Variants in MRPL44 observed in about 807,000 individuals in gnomAD.
MRPL44 encodes the protein large ribosomal subunit protein mL44.
Under a neutral mutation model 25.9 loss-of-function variants are expected in MRPL44, and 21 were observed. That is an observed-to-expected ratio of 0.81 (90% CI 0.58 to 1.17). The LOEUF (loss-of-function observed/expected upper bound fraction) is 1.17. MRPL44 is among the 50% of genes most tolerant of loss of function. MRPL44 has a pLI of 0.00. For missense variants in MRPL44, 410 were observed against 398.9 expected (o/e 1.03, Z -0.24); for synonymous variants, 169 against 151.0 (o/e 1.12, Z -0.87).
At chr2:223,951,592 C>A in the MRPL44 span, among the ~76,000 whole-genome samples, 1 of 151,104 alleles carries the variant, frequency 6.6e-6, no homozygotes, top group African/African-American at 2.4e-5. Flanking sequence ...GATTCTCCTG[C>A]CTCAGCCTCC....
chr2:223,957,350 C>A (rs1427390959), upstream of MRPL44: 4 of 1,301,624 alleles, frequency 3.1e-6, no homozygotes, highest in African/African-American at 5.8e-5. Flanking sequence ...TCGCCCCGCC[C>A]CGGGGGCTGT....
In MRPL44 at chr2:223,960,071, T is replaced by C. The variant is rs1288337741; in HGVS notation, c.648+69T>C. The C allele has an allele frequency of 3.9e-6, 5 of 1,278,700 alleles. No homozygotes were observed. In the East Asian group the frequency reaches 1.2e-4, roughly 30 times the overall value. The allele number at this position is 1,278,700 out of a possible 1,614,324, so 79.2% of individuals were successfully genotyped here. On this transcript the variant is annotated intron_variant, in intron 2 of 3. Coordinates refer to ENST00000258383, the MANE Select transcript of MRPL44 (RefSeq NM_022915.5). Reference sequence around the variant, plus strand: ...AAAATATTCTTTTGTAATTCACTTCTTTGATATATCACCTTGGAAGTGAAT... The same window carrying C: ...AAAATATTCTTTTGTAATTCACTTCCTTGATATATCACCTTGGAAGTGAAT...
the MRPL44 span, among the ~76,000 whole-genome samples, chr2:223,952,335 A>G: frequency 6.6e-6 from 1 of 152,078 alleles, no homozygotes; most frequent in Non-Finnish European, 1.5e-5. Flanking sequence ...AGCCCTCAAC[A>G]GGCAGTCTCT....
chr2:223,952,306 A>G, the MRPL44 span, among the ~76,000 whole-genome samples: 4 of 152,014 alleles, frequency 2.6e-5, no homozygotes, highest in East Asian at 7.7e-4. Context: ...CACTGGCTAT[A>G]GCTTCCCTCT....
chr2:223,959,494 T>C (rs1419845752), intron 1 of MRPL44, 40 bp from the exon 2 acceptor site: 12 of 1,455,012 alleles, frequency 8.2e-6, no homozygotes, highest in Non-Finnish European at 1.1e-5. Context: ...CAGTAACAGG[T>C]TGTTCTCTTT....
intron 2 of MRPL44, among the ~76,000 whole-genome samples, chr2:223,962,774 T>C (rs932444005): frequency 6.6e-6 from 1 of 152,216 alleles, no homozygotes; most frequent in Non-Finnish European, 1.5e-5. Context: ...TGATCTTGGC[T>C]CACTGCAACC....
chr2:223,955,124 G>C (rs1188061854), upstream of MRPL44, among the ~76,000 whole-genome samples: 1 of 152,018 alleles, frequency 6.6e-6, no homozygotes, highest in Non-Finnish European at 1.5e-5. Flanking sequence ...TTGTTGCTCA[G>C]GTTTACTAAG....
rs1449331083 is a variant in MRPL44 at position 223,957,465 on chromosome 2, C to T, written c.-8C>T. On this transcript the variant is annotated 5_prime_UTR_variant, in exon 1 of 4. Transcript: ENST00000258383. ...TTCGTTCCGTCTTCCATCGTTTTCTCTCGTGCAATGGCGTCCGGGCTGGTA... is the reference window on the plus strand; with the variant it reads ...TTCGTTCCGTCTTCCATCGTTTTCTTTCGTGCAATGGCGTCCGGGCTGGTA... 5 of 1,614,156 alleles carry T rather than the reference C, an allele frequency of 3.1e-6. No homozygotes were observed. Among genetic ancestry groups the T allele is most frequent in the Non-Finnish European group, 4.2e-6 (5 of 1,180,014 alleles).
At chr2:223,958,281 A>G (rs192403963) in intron 1 of MRPL44, among the ~76,000 whole-genome samples, 106 of 152,284 alleles carry the variant, frequency 7.0e-4, no homozygotes, top group African/African-American at 2.3e-3. Flanking sequence ...ATGGCTCTGT[A>G]TATATGGGCC....
At chr2:223,951,759 T>C in the MRPL44 span, among the ~76,000 whole-genome samples, 2 of 152,092 alleles carry the variant, frequency 1.3e-5, no homozygotes, top group Admixed American at 6.5e-5. Flanking sequence ...GATTACAGGC[T>C]TGAGCCACTG....
Position 223,959,705 on chromosome 2 carries a change from G to A in MRPL44, c.351G>A (p.Leu117=). ...GGATAGAGAAAGAAGCTGTTCTTCT[G>A]AATCTTAAAAGTAATCAAGAACTAT... ...QLGIEKEAVL[L]NLKSNQELSE... is the part of the protein sequence containing the mutation. The change falls in exon 2 of 4, where the codon CTG becomes CTA. Residue 117 remains leucine (L), a synonymous_variant. Coordinates refer to ENST00000258383, the MANE Select transcript of MRPL44 (RefSeq NM_022915.5). 1.2e-6 allele frequency: 2 copies of A among 1,614,236 alleles called. No homozygotes were observed. Among genetic ancestry groups the A allele is most frequent in the Non-Finnish European group, 1.7e-6 (2 of 1,180,030 alleles).
intron 3 of MRPL44, among the ~76,000 whole-genome samples, chr2:223,964,743 A>C (rs985620990): frequency 6.6e-6 from 1 of 152,126 alleles, no homozygotes; most frequent in African/African-American, 2.4e-5. Flanking sequence ...AGCATCTTAA[A>C]ATTTTTTATG....
chr2:223,951,478 G>GTTTTTTTTTTTTTTTTT, the MRPL44 span, among the ~76,000 whole-genome samples: 33 of 112,542 alleles, frequency 2.9e-4, 2 homozygotes, highest in African/African-American at 9.8e-4. Flanking sequence ...TTACCTTGGA[G>GTTTTTTTTTTTTTTTTT]TTTTTTTTTT....
rs1017678144 is a variant in MRPL44 at position 223,967,192 on chromosome 2, T to G, written c.*158T>G. The G allele has an allele frequency of 4.0e-6, 3 of 749,236 alleles. No individual in the cohort carries two copies. Among genetic ancestry groups the G allele is most frequent in the Non-Finnish European group, 6.1e-6 (3 of 495,828 alleles). 46.4% of individuals were successfully genotyped at this position (749,236 alleles called of 1,614,324 possible). A position where few individuals can be genotyped will look rare whatever the true frequency, so the allele number is the denominator to read the frequency against. The stretch of plus-strand genomic sequence containing the variant: ...TAAATAAGTGTTAACCAAGTCACAG[T>G]GTTTTTGGTTTTGTTTTTCTGAAAT... On this transcript the variant is annotated 3_prime_UTR_variant, in exon 4 of 4. Transcript: ENST00000258383.
the MRPL44 span, among the ~76,000 whole-genome samples, chr2:223,951,515 T>C: frequency 6.7e-6 from 1 of 148,492 alleles, no homozygotes; most frequent in South Asian, 2.2e-4. Flanking sequence ...AGTCTCGCTC[T>C]GTGGCCAGGC....
At chr2:223,956,186 G>A (rs944305111), upstream of MRPL44, among the ~76,000 whole-genome samples, 11 of 152,304 alleles carry the variant, frequency 7.2e-5, no homozygotes, top group South Asian at 8.3e-4. Flanking sequence ...AAGGTCAATC[G>A]TAACCTCCTT....
chr2:223,952,858 T>A (rs1689511401), upstream of MRPL44, among the ~76,000 whole-genome samples: 1 of 152,142 alleles, frequency 6.6e-6, no homozygotes, highest in African/African-American at 2.4e-5. Context: ...AGTCCTGGAG[T>A]CTTTCTGAAC....
Position 223,963,797 on chromosome 2 carries a change from G to T in MRPL44, c.690G>T (p.Glu230Asp). 1 of 1,612,430 alleles carries T rather than the reference G, an allele frequency of 6.2e-7. No individual in the cohort carries two copies. The highest frequency in any genetic ancestry group is 1.1e-5 in the South Asian group (1 of 90,682). ...AAATGACTGGAAAAGAGCTCTTTGA[G>T]ATGTGGAAGATAATAAATCCCATGG... ...ITQMTGKELF[E>D]MWKIINPMGL... is the part of the protein sequence containing the mutation. The change falls in exon 3 of 4, where the codon GAG becomes GAT. Residue 230 changes from glutamate to aspartate, a missense_variant. Coordinates refer to ENST00000258383, the MANE Select transcript of MRPL44 (RefSeq NM_022915.5).
chr2:223,963,451 G>GAA (rs71058968), intron 2 of MRPL44, among the ~76,000 whole-genome samples: 2 of 148,710 alleles, frequency 1.3e-5, no homozygotes, highest in South Asian at 2.1e-4. Context: ...TCTCAAAAAA[G>GAA]AAAAAAAAAA....
Sources: gnomAD v4.1 joint callset for allele counts (sites outside exome capture counted in the v4.1 genomes callset) on GRCh38, gnomAD v4.1.1 for gene constraint, MANE v1.5 for transcripts, NCBI Gene and HGNC (gene_info 2026-07-23, HGNC 2026-07-21) for gene names.